BCAS3: variants seen among roughly 807,000 people sequenced by gnomAD.
BCAS3 encodes BCAS4/BCAS3 fusion.
A neutral mutation model predicts 116.1 loss-of-function variants in BCAS3; 53 were observed. The ratio of observed to expected loss-of-function variants is 0.46; its 90% confidence interval spans 0.37 to 0.57. The LOEUF is 0.57. Among genes scored for constraint, BCAS3 ranks in the 20% least tolerant of loss-of-function variants. The pLI is 0.00. For synonymous variants in BCAS3, 391 were observed against 408.2 expected (o/e 0.96, Z 0.51); for missense variants, 917 against 1,165.4 (o/e 0.79, Z 3.10).
chr17:60,848,672 G>A (rs2052752989), intron 7 of BCAS3, among the ~76,000 whole-genome samples: 1 of 151,894 alleles, frequency 6.6e-6, no homozygotes, highest in African/African-American at 2.4e-5. Context: ...GGTTTTTCAT[G>A]AGCCATTTAT....
At chr17:60,835,153 A>C (rs1197148257) in intron 7 of BCAS3, among the ~76,000 whole-genome samples, 3 of 151,990 alleles carry the variant, frequency 2.0e-5, no homozygotes, top group African/African-American at 4.8e-5. Context: ...CATTAAATTC[A>C]TATATCTTCC....
In BCAS3 at chr17:61,380,233, A is replaced by G; in HGVS notation, c.2593+11739A>G. On this transcript the variant is annotated intron_variant, in intron 23 of 23. Coordinates refer to ENST00000407086, the MANE Select transcript of BCAS3 (RefSeq NM_017679.5). This position sits in a 1 kb window ranked among gnomAD's most constrained non-coding sequence, Gnocchi z 4.2. ...CGGCTTTCTCTCTACATCATTCCCT[A>G]CCCCAGCCCTGTGCAGCAGGCAGGA... is the stretch of plus-strand genomic sequence containing the variant. The G allele has an allele frequency of 2.3e-6, 1 of 444,072 alleles. No individual in the cohort carries two copies. Among genetic ancestry groups the G allele is most frequent in the South Asian group, 3.1e-5 (1 of 32,530 alleles). 27.5% of individuals were successfully genotyped at this position (444,072 alleles called of 1,614,324 possible). A position where few individuals can be genotyped will look rare whatever the true frequency, so the allele number is the denominator to read the frequency against.
rs2054796759 is a variant in BCAS3, at chr17:61,316,933, C to T, written c.2426-51394C>T. 6.6e-6 allele frequency among the ~76,000 whole-genome samples: 1 copy of T among 152,156 alleles called. No individual in the cohort carries two copies. The highest frequency in any genetic ancestry group is 6.5e-5 in the Admixed American group (1 of 15,282). On this transcript the variant is annotated intron_variant, in intron 22 of 23. Transcript: ENST00000407086. The surrounding 1 kb of genome is among the most constrained non-coding windows in gnomAD (Gnocchi z 5.8). ...GAGGCTAACTCCAGCCATTGCCAGCCCTTCTGTAAAATGGCTACTATATGA... is the reference window on the plus strand; with the variant it reads ...GAGGCTAACTCCAGCCATTGCCAGCTCTTCTGTAAAATGGCTACTATATGA...
At chr17:61,383,234 G>C (rs912552523) in intron 23 of BCAS3, 10 of 152,292 alleles carry the variant, frequency 6.6e-5, no homozygotes, top group Admixed American at 5.2e-4. Context: ...TGTAGGGCCG[G>C]GCCAGGCCAG....
chr17:61,013,790 A>T lies in BCAS3; in HGVS notation c.1487-1961A>T, dbSNP rs971440123. 6.6e-6 allele frequency among the ~76,000 whole-genome samples: 1 copy of T among 152,170 alleles called. No homozygotes were observed. Among genetic ancestry groups the T allele is most frequent in the Admixed American group, 6.6e-5 (1 of 15,266 alleles). ...ACTTGATAGTTCTATAGAGTAATATAAAAGGATAGATTTGTGTCCAAGGAA... is the reference window on the plus strand; with the variant it reads ...ACTTGATAGTTCTATAGAGTAATATTAAAGGATAGATTTGTGTCCAAGGAA... On this transcript the variant is annotated intron_variant, in intron 15 of 23. Transcript: ENST00000407086. The surrounding 1 kb of genome is among the most constrained non-coding windows in gnomAD (Gnocchi z 4.4).
intron 7 of BCAS3, among the ~76,000 whole-genome samples, chr17:60,850,347 T>C (rs2052989177): frequency 2.6e-5 from 3 of 115,106 alleles, no homozygotes; most frequent in African/African-American, 5.0e-5. Flanking sequence ...GCACCACTGT[T>C]TTTTTTTTTT....
intron 10 of BCAS3, among the ~76,000 whole-genome samples, chr17:60,895,480 G>GT: frequency 1.3e-5 from 2 of 151,698 alleles, no homozygotes; most frequent in South Asian, 4.2e-4. Context: ...TATCAATTTT[G>GT]TTTATCTTTT....
At chr17:60,799,708 CTTTTTTTTTTTT>C (rs67510415) in intron 6 of BCAS3, among the ~76,000 whole-genome samples, 3 of 49,838 alleles carry the variant, frequency 6.0e-5, no homozygotes, top group Admixed American at 3.2e-4. Flanking sequence ...TTTTTCTTTT[CTTTTTTTTTTTT>C]TTTTTTTTTT....
In BCAS3 at chr17:61,034,818, C is replaced by T; in HGVS notation, c.1762+28C>T. 1.3e-6 allele frequency: 2 copies of T among 1,568,764 alleles called. No homozygotes were observed. Among genetic ancestry groups the T allele is most frequent in the East Asian group, 2.3e-5 (1 of 43,484 alleles). On this transcript the variant is annotated intron_variant, in intron 17 of 23. Transcript: ENST00000407086. This position sits in a 1 kb window ranked among gnomAD's most constrained non-coding sequence, Gnocchi z 5.0. ...ATGTATTTTTACTGAAAAATGAATG[C>T]TCTATTTGTAATTTTTGCTTCTTAA...
chr17:61,309,489 C>T lies in BCAS3; in HGVS notation c.2426-58838C>T, dbSNP rs998470005. ...GACCTAAAGTGGACATCAGAGGGGT[C>T]CCGGCAATGCGGCCCTGACCCTTCC... On this transcript the variant is annotated intron_variant, in intron 22 of 23. Coordinates refer to ENST00000407086, the MANE Select transcript of BCAS3 (RefSeq NM_017679.5). The surrounding 1 kb of genome is among the most constrained non-coding windows in gnomAD (Gnocchi z 4.6). Among the ~76,000 whole-genome samples the T allele has an allele frequency of 2.0e-5, 3 of 152,258 alleles. No homozygotes were observed. The highest frequency in any genetic ancestry group is 4.8e-5 in the African/African-American group (2 of 41,542).
At chr17:60,694,445 A>G (rs1010519322) in intron 4 of BCAS3, among the ~76,000 whole-genome samples, 3 of 151,970 alleles carry the variant, frequency 2.0e-5, no homozygotes, top group Admixed American at 2.0e-4. Flanking sequence ...AGGATGCAAC[A>G]AGCCGAGACT....
rs1216170100 is a variant in BCAS3 at position 61,240,514 on chromosome 17, C to T, written c.2426-127813C>T. Among the ~76,000 whole-genome samples, 10 of 152,182 alleles carry T rather than the reference C, an allele frequency of 6.6e-5. No homozygotes were observed. The East Asian group carries it at 1.4e-3, about 21-fold the overall frequency. On this transcript the variant is annotated intron_variant, in intron 22 of 23. Transcript: ENST00000407086. ...AAAAATACAAAAAAAAATAGCCAGG[C>T]GTGGTGGCGCACGCCTGTAATCCCA...
intron 22 of BCAS3, among the ~76,000 whole-genome samples, chr17:61,294,759 C>T (rs2052736355): frequency 6.6e-6 from 1 of 152,202 alleles, no homozygotes; most frequent in Non-Finnish European, 1.5e-5. Flanking sequence ...CATCCAGTCT[C>T]CATTGCTGGG....
intron 9 of BCAS3, among the ~76,000 whole-genome samples, chr17:60,882,250 T>G (rs925432217): frequency 3.9e-4 from 59 of 152,020 alleles, no homozygotes; most frequent in Non-Finnish European, 7.2e-4. Flanking sequence ...TTTTGAGAAG[T>G]GTCTGTTCAT....
intron 5 of BCAS3, among the ~76,000 whole-genome samples, chr17:60,729,448 G>T (rs931833421): frequency 6.6e-6 from 1 of 151,352 alleles, no homozygotes; most frequent in Non-Finnish European, 1.5e-5. Flanking sequence ...TTCCAAATAG[G>T]CTGTATTGTT....
rs1038580671 is a variant in BCAS3 at position 61,055,105 on chromosome 17, G to T, written c.2029+14213G>T. Among the ~76,000 whole-genome samples, 5 of 152,258 alleles carry T rather than the reference G, an allele frequency of 3.3e-5. No individual in the cohort carries two copies. In the South Asian group the frequency reaches 1.0e-3, roughly 32 times the overall value. On this transcript the variant is annotated intron_variant, in intron 19 of 23. Coordinates refer to ENST00000407086, the MANE Select transcript of BCAS3 (RefSeq NM_017679.5). ...GGATGCAGGATTTGGATATATGTTT[G>T]CCCTTTTCTTCAAAAAATGAGGAGC...
At position 61,122,942 on chromosome 17, in the gene BCAS3, C is replaced by A. The variant is rs1417674031; in HGVS notation, c.2425+38378C>A. Reference sequence around the variant, plus strand: ...GAAAGATTCCACATTATGGGTAAGTCTTTTTTTTTTTTTTTTGAGATGGAG... The same window carrying A: ...GAAAGATTCCACATTATGGGTAAGTATTTTTTTTTTTTTTTTGAGATGGAG... On this transcript the variant is annotated intron_variant, in intron 22 of 23. Transcript: ENST00000407086. This position sits in a 1 kb window ranked among gnomAD's most constrained non-coding sequence, Gnocchi z 4.6. Among the ~76,000 whole-genome samples, 2 of 136,284 alleles carry A rather than the reference C, an allele frequency of 1.5e-5. No homozygotes were observed. The highest frequency in any genetic ancestry group is 2.7e-5 in the African/African-American group (1 of 37,382). 89.4% of individuals were successfully genotyped at this position (136,284 alleles called of 152,430 possible).
At position 61,332,805 on chromosome 17, in the gene BCAS3, G is replaced by A. The variant is rs2056399860; in HGVS notation, c.2426-35522G>A. 2.0e-5 allele frequency among the ~76,000 whole-genome samples: 3 copies of A among 152,166 alleles called. No individual in the cohort carries two copies. The highest frequency in any genetic ancestry group is 2.1e-4 in the South Asian group (1 of 4,818). On this transcript the variant is annotated intron_variant, in intron 22 of 23. Transcript: ENST00000407086. This position sits in a 1 kb window ranked among gnomAD's most constrained non-coding sequence, Gnocchi z 5.4. ...TAATTTTTGTATTTTTAGGAGAGAC[G>A]GGGTTTCACCATGTTAGCCAGGCTG...
intron 7 of BCAS3, among the ~76,000 whole-genome samples, chr17:60,819,939 C>G (rs2049780841): frequency 6.6e-6 from 1 of 151,736 alleles, no homozygotes. Context: ...ATTATCATTT[C>G]TAAGCAAGAG....
Sources: allele counts gnomAD v4.1 joint callset (sites outside exome capture counted in the v4.1 genomes callset), GRCh38; gene constraint gnomAD v4.1.1; non-coding constraint Gnocchi (gnomAD v3.1); transcripts MANE v1.5; gene names NCBI Gene and HGNC (gene_info 2026-07-23, HGNC 2026-07-21).